Variants in ACSL5 observed in about 807,000 individuals in gnomAD.
ACSL5 encodes long-chain-fatty-acid--CoA ligase 5.
ACSL5 carries 50 observed loss-of-function variants against 84.9 expected under a neutral mutation model. The observed-to-expected ratio is 0.59, with a 90% CI of 0.47 to 0.75. The LOEUF (loss-of-function observed/expected upper bound fraction) is 0.75, where lower values mean the gene tolerates loss of function less well. ACSL5 is among the 30% of genes least tolerant of loss of function. The pLI is 0.00. For synonymous variants in ACSL5, 280 were observed against 300.7 expected, an observed-to-expected ratio of 0.93 and a Z score of 0.71; for missense variants, 775 against 830.4, an observed-to-expected ratio of 0.93 and a Z score of 0.82.
Position 112,425,464 on chromosome 10 carries a change from C to T in ACSL5, c.1720C>T (p.His574Tyr), listed in dbSNP as rs1280716079. ...RSQPVLQIFV[H>Y]GESLRSSLVG... is the part of the protein sequence containing the mutation. The stretch of plus-strand genomic sequence containing the variant: ...TCAACCAGTGTTACAAATTTTTGTA[C>T]ACGGGGAGAGCTTACGGGTAATATA... The change falls in exon 18 of 21, where the codon CAC becomes TAC. Residue 574 changes from histidine to tyrosine, a missense_variant. His to Tyr is a moderately conservative substitution (Grantham distance 83). Coordinates refer to ENST00000354655, the MANE Select transcript of ACSL5 (RefSeq NM_203379.2). 6.8e-6 allele frequency: 11 copies of T among 1,611,986 alleles called. No homozygotes were observed. The highest frequency in any genetic ancestry group is 1.3e-5 in the African/African-American group (1 of 74,748).
intron 18 of ACSL5, 167 bp downstream of exon 18, chr10:112,425,648 C>T: frequency 1.7e-6 from 1 of 601,396 alleles, no homozygotes; most frequent in South Asian, 4.2e-5. Flanking sequence ...AAGGCAATTT[C>T]AATTTAAAAA....
At chr10:112,386,440 C>T (rs998239407) in intron 1 of ACSL5, among the ~76,000 whole-genome samples, 2 of 151,958 alleles carry the variant, frequency 1.3e-5, no homozygotes, top group African/African-American at 2.4e-5. Context: ...GTGACCCGCC[C>T]GCCTCGGCCT....
In ACSL5 at chr10:112,409,526, C is replaced by T; in HGVS notation, c.552C>T (p.Ile184=). 1 of 1,613,534 alleles carries T rather than the reference C, an allele frequency of 6.2e-7. No homozygotes were observed. Among genetic ancestry groups the T allele is most frequent in the Non-Finnish European group, 8.5e-7 (1 of 1,179,964 alleles). ...IVNKADIAMV[I]CDTPQKALVL... is the part of the protein sequence containing the mutation. ...TTCCAGCTGATATCGCCATGGTGAT[C>T]TGTGACACACCCCAAAAGGCATTGG... The change falls in exon 7 of 21, where the codon ATC becomes ATT. Residue 184 remains isoleucine (I), a synonymous_variant. Coordinates refer to ENST00000354655, the MANE Select transcript of ACSL5 (RefSeq NM_203379.2).
chr10:112,411,356 C>T (rs1393108345), intron 9 of ACSL5, 100 bp from the exon 10 acceptor site: 3 of 967,672 alleles, frequency 3.1e-6, no homozygotes, highest in Admixed American at 2.0e-5. Context: ...ATGCTCTTGG[C>T]CTTCTGGAAT....
intron 12 of ACSL5, among the ~76,000 whole-genome samples, 179 bp from the exon 13 acceptor site, chr10:112,416,709 C>T (rs1263737593): frequency 6.6e-6 from 1 of 152,092 alleles, no homozygotes; most frequent in Admixed American, 6.5e-5. Flanking sequence ...ATTAAGTTCA[C>T]TTCTTTCTGA....
At chr10:112,376,886 T>C (rs1459899466) in intron 1 of ACSL5, among the ~76,000 whole-genome samples, 1 of 151,754 alleles carries the variant, frequency 6.6e-6, no homozygotes, top group African/African-American at 2.4e-5. Context: ...ACAGGTTAAG[T>C]CTCAGGTGCT....
chr10:112,415,104 ATGT>A (rs374057369), intron 12 of ACSL5, among the ~76,000 whole-genome samples: 16 of 152,266 alleles, frequency 1.1e-4, no homozygotes, highest in Admixed American at 4.6e-4. Context: ...TTTTGTTCAT[ATGT>A]TGTTGTTGTT....
At chr10:112,403,028 T>C (rs560148154) in intron 3 of ACSL5, among the ~76,000 whole-genome samples, 1 of 152,370 alleles carries the variant, frequency 6.6e-6, no homozygotes, top group South Asian at 2.1e-4. Context: ...AATTCTTTTA[T>C]TGTCAAATGC....
intron 1 of ACSL5, among the ~76,000 whole-genome samples, chr10:112,385,513 C>G (rs1348755347): frequency 1.2e-4 from 19 of 152,224 alleles, no homozygotes; most frequent in Admixed American, 1.2e-3. Flanking sequence ...CTCACCGTTT[C>G]ATCACTGGAA....
chr10:112,402,768 A>G (rs1030792332), intron 3 of ACSL5, among the ~76,000 whole-genome samples: 1 of 152,062 alleles, frequency 6.6e-6, no homozygotes, highest in African/African-American at 2.4e-5. Context: ...CCTTTTGGCA[A>G]GACCTGAATT....
At chr10:112,386,527 A>C (rs1849456923) in intron 1 of ACSL5, among the ~76,000 whole-genome samples, 1 of 152,142 alleles carries the variant, frequency 6.6e-6, no homozygotes, top group African/African-American at 2.4e-5. Flanking sequence ...TAAGTATTTA[A>C]ATTTGGTAAT....
At chr10:112,409,744 G>T (rs1844137108) in intron 7 of ACSL5, 59 bp downstream of exon 7, 1 of 1,540,054 alleles carries the variant, frequency 6.5e-7, no homozygotes, top group Non-Finnish European at 8.9e-7. Context: ...TGGGCAACTT[G>T]CAAGATACCT....
chr10:112,397,295 G>A (rs529373818), intron 2 of ACSL5, among the ~76,000 whole-genome samples: 33 of 151,616 alleles, frequency 2.2e-4, no homozygotes, highest in Non-Finnish European at 4.3e-4. Flanking sequence ...TCAGCCTCTC[G>A]AGTAGCTGGG....
At chr10:112,405,201 T>C (rs1844004784) in intron 5 of ACSL5, among the ~76,000 whole-genome samples, 1 of 152,234 alleles carries the variant, frequency 6.6e-6, no homozygotes, top group Non-Finnish European at 1.5e-5. Flanking sequence ...CATTCATTGC[T>C]ACTGAGTCTG....
intron 12 of ACSL5, among the ~76,000 whole-genome samples, chr10:112,416,555 T>A (rs1844319610): frequency 6.6e-6 from 1 of 151,744 alleles, no homozygotes; most frequent in Non-Finnish European, 1.5e-5. Context: ...TGGTGCCCAT[T>A]GAGCTGTGTT....
chr10:112,417,340 T>C (rs982656074), intron 13 of ACSL5, among the ~76,000 whole-genome samples: 1 of 151,622 alleles, frequency 6.6e-6, no homozygotes, highest in African/African-American at 2.4e-5. Flanking sequence ...CAGTCTCTAC[T>C]AAAAATACAA....
In ACSL5 at chr10:112,394,956, A is replaced by G; in HGVS notation, c.10A>G (p.Ile4Val). 1 of 1,612,228 alleles carries G rather than the reference A, an allele frequency of 6.2e-7. No individual in the cohort carries two copies. The highest frequency in any genetic ancestry group is 1.1e-5 in the South Asian group (1 of 91,022). Residue 4 changes from isoleucine (I) to valine (V), a missense_variant, in exon 2 of 21, where the codon ATC (isoleucine) becomes GTC (valine). Transcript: ENST00000354655. ...GCTGCTGTTCACAAAGATGCTTTTT[A>G]TCTTTAACTTTTTGTTTTCCCCACT... MLF[I>V]FNFLFSPLPT...
chr10:112,390,332 T>C (rs1481934244), intron 1 of ACSL5, among the ~76,000 whole-genome samples: 1 of 152,076 alleles, frequency 6.6e-6, no homozygotes, highest in Non-Finnish European at 1.5e-5. Context: ...CACAATGAGG[T>C]ACCATTTCAC....
intron 17 of ACSL5, among the ~76,000 whole-genome samples, chr10:112,424,174 CAG>C (rs1844583704): frequency 6.6e-6 from 1 of 152,194 alleles, no homozygotes; most frequent in African/African-American, 2.4e-5. Context: ...GTGGAAGATA[CAG>C]AGACATATTT....
Sources: gnomAD v4.1 joint callset for allele counts (sites outside exome capture counted in the v4.1 genomes callset) on GRCh38, gnomAD v4.1.1 for gene constraint, MANE v1.5 for transcripts, NCBI Gene and HGNC (gene_info 2026-07-23, HGNC 2026-07-21) for gene names.